Variants in ZNF343 observed in about 807,000 individuals in gnomAD.
ZNF343 encodes the protein zinc finger protein 343.
A neutral mutation model predicts 13.8 loss-of-function variants in ZNF343; 11 were observed. The observed-to-expected ratio is 0.80, with a 90% CI of 0.50 to 1.32. ZNF343 has a LOEUF of 1.32. ZNF343 is among the 40% of genes most tolerant of loss of function. ZNF343 has a pLI of 0.00. For missense variants in ZNF343, 658 were observed against 714.2 expected, an observed-to-expected ratio of 0.92 and a Z score of 0.90; for synonymous variants, 248 against 260.0, an observed-to-expected ratio of 0.95 and a Z score of 0.44.
In ZNF343 at chr20:2,483,581, A is replaced by T. The variant is rs189196340; in HGVS notation, c.1380T>A (p.Ser460=). 7.3e-5 allele frequency: 116 copies of T among 1,586,342 alleles called. 1 individual carries two copies. The highest frequency in any genetic ancestry group is 6.9e-4 in the South Asian group (62 of 89,858). Residue 460 remains serine (S), a synonymous_variant, in exon 6 of 6, where the codon TCT becomes TCA. Coordinates refer to ENST00000278772, the MANE Select transcript of ZNF343 (RefSeq NM_024325.6). ...STLIIHERTH[S]GEKPYVCGEC... is the part of the protein sequence containing the mutation. The stretch of plus-strand genomic sequence containing the variant: ...CACCACACACATAAGGCTTCTCTCC[A>T]GAGTGCGTCCGCTCGTGTATGATGA...
chr20:2,499,869 T>C (rs2085530838), intron 2 of ZNF343, among the ~76,000 whole-genome samples: 2 of 152,188 alleles, frequency 1.3e-5, no homozygotes, highest in Admixed American at 1.3e-4. Context: ...TTACCTGAAT[T>C]GTTAAGTGTG....
At chr20:2,489,515 T>C (rs895754784) in intron 5 of ZNF343, among the ~76,000 whole-genome samples, 10 of 152,206 alleles carry the variant, frequency 6.6e-5, no homozygotes, top group Admixed American at 3.9e-4. Flanking sequence ...TTAATGCACT[T>C]TCAAACAAGT....
intron 5 of ZNF343, among the ~76,000 whole-genome samples, chr20:2,490,417 A>C (rs1431793976): frequency 6.6e-6 from 1 of 152,172 alleles, no homozygotes; most frequent in Non-Finnish European, 1.5e-5. Flanking sequence ...AGACAAAGGA[A>C]ACGATTTCAA....
chr20:2,505,650 C>T (rs2085644040), intron 1 of ZNF343, among the ~76,000 whole-genome samples: 3 of 152,234 alleles, frequency 2.0e-5, no homozygotes, highest in Admixed American at 6.5e-5. Context: ...TATCTACAAC[C>T]ATCTGATCTT....
chr20:2,517,213 A>C (rs1038075923), intron 1 of ZNF343, among the ~76,000 whole-genome samples: 10 of 152,212 alleles, frequency 6.6e-5, no homozygotes, highest in Admixed American at 6.5e-4. Context: ...AGAATCTATC[A>C]TTCTTCCTGA....
chr20:2,505,284 C>T (rs1381953777), intron 1 of ZNF343, among the ~76,000 whole-genome samples: 1 of 152,184 alleles, frequency 6.6e-6, no homozygotes, highest in Non-Finnish European at 1.5e-5. Flanking sequence ...CTACAAACCA[C>T]TGCTCAATGA....
chr20:2,513,655 A>G (rs557144223), upstream of ZNF343, among the ~76,000 whole-genome samples: 19 of 152,370 alleles, frequency 1.2e-4, 1 homozygote, highest in Admixed American at 1.1e-3. Flanking sequence ...AATTGAAAAC[A>G]GGTGTTCAAA....
rs73085335 is a variant in ZNF343 at position 2,484,658 on chromosome 20, T to A, written c.305-2A>T. The A allele has an allele frequency of 3.3e-3, 5,160 of 1,576,532 alleles. 19 individuals are homozygous for A. Among genetic ancestry groups the A allele is most frequent in the Middle Eastern group, 0.021 (124 of 5,850 alleles). On this transcript the variant is annotated splice_acceptor_variant, in intron 5 of 5. Coordinates refer to ENST00000278772, the MANE Select transcript of ZNF343 (RefSeq NM_024325.6). LOFTEE classifies it high-confidence loss of function. ...TGTAGATTTCTGGCTTTGGTTCTGC[T>A]GAAGAATGAAAGTTTTCTGTTAGAG...
chr20:2,505,917 G>A (rs1169307158), intron 1 of ZNF343, among the ~76,000 whole-genome samples: 1 of 152,122 alleles, frequency 6.6e-6, no homozygotes, highest in Non-Finnish European at 1.5e-5. Flanking sequence ...AAAAGCAATG[G>A]CAACAAAAGC....
chr20:2,522,849 G>A (rs1167473443), intron 1 of ZNF343, among the ~76,000 whole-genome samples: 1 of 152,200 alleles, frequency 6.6e-6, no homozygotes, highest in Non-Finnish European at 1.5e-5. Context: ...TACTTGGGAG[G>A]CTGAGGTGGG....
At chr20:2,484,794 A>G (rs1277837033) in intron 5 of ZNF343, 138 bp from the exon 6 acceptor site, 16 of 751,656 alleles carry the variant, frequency 2.1e-5, no homozygotes, top group Non-Finnish European at 3.1e-5. Context: ...CTTCTGAACA[A>G]TGATTCCTTT....
At chr20:2,502,189 G>C (rs1003601046) in intron 1 of ZNF343, among the ~76,000 whole-genome samples, 1 of 152,182 alleles carries the variant, frequency 6.6e-6, no homozygotes, top group African/African-American at 2.4e-5. Context: ...TAGCCGACTT[G>C]ATCAACTGGA....
Position 2,490,058 on chromosome 20 carries a change from G to A in ZNF343, c.304+2641C>T, listed in dbSNP as rs199547631. Among the ~76,000 whole-genome samples, 20 of 152,096 alleles carry A rather than the reference G, an allele frequency of 1.3e-4. No homozygotes were observed. In the East Asian group the frequency reaches 3.7e-3, roughly 28 times the overall value. On this transcript the variant is annotated intron_variant, in intron 5 of 5. Coordinates refer to ENST00000278772, the MANE Select transcript of ZNF343 (RefSeq NM_024325.6). ...GGGAAGGGGGAAAAAGCGAACAAAG[G>A]GGAAAATGGAAAGAGGAAAGAAAGA... is the stretch of plus-strand genomic sequence containing the variant.
intron 1 of ZNF343, among the ~76,000 whole-genome samples, chr20:2,522,407 A>C (rs1391451239): frequency 6.6e-6 from 1 of 152,220 alleles, no homozygotes; most frequent in African/African-American, 2.4e-5. Flanking sequence ...TCAACATAAT[A>C]AGGTACTTTG....
At chr20:2,497,092 T>A (rs926990771) in intron 2 of ZNF343, among the ~76,000 whole-genome samples, 63 of 150,730 alleles carry the variant, frequency 4.2e-4, no homozygotes, top group African/African-American at 1.4e-3. Flanking sequence ...AAAAAAAAAT[T>A]TTACCATCAA....
intron 1 of ZNF343, among the ~76,000 whole-genome samples, chr20:2,505,108 C>T (rs1282069781): frequency 6.6e-6 from 1 of 152,214 alleles, no homozygotes; most frequent in Non-Finnish European, 1.5e-5. Flanking sequence ...AGCAAAGTCT[C>T]AGGATACAAA....
intron 5 of ZNF343, among the ~76,000 whole-genome samples, chr20:2,489,551 C>A (rs557277507): frequency 5.3e-5 from 8 of 152,198 alleles, no homozygotes; most frequent in Non-Finnish European, 1.2e-4. Flanking sequence ...GTGGTCCCAT[C>A]ATTGCTCTTT....
chr20:2,524,120 G>T (rs1312819415), intron 1 of ZNF343, among the ~76,000 whole-genome samples: 1 of 152,092 alleles, frequency 6.6e-6, no homozygotes, highest in African/African-American at 2.4e-5. Context: ...AGGAGTTCAA[G>T]ACCAGACTGG....
chr20:2,512,435 A>G (rs1664088651), upstream of ZNF343, among the ~76,000 whole-genome samples: 1 of 152,248 alleles, frequency 6.6e-6, no homozygotes, highest in Admixed American at 6.5e-5. Context: ...AGCTTCAGTA[A>G]TTAAAACAGT....
Sources: gnomAD v4.1 joint callset for allele counts (sites outside exome capture counted in the v4.1 genomes callset) on GRCh38, gnomAD v4.1.1 for gene constraint, MANE v1.5 for transcripts, NCBI Gene and HGNC (gene_info 2026-07-23, HGNC 2026-07-21) for gene names.